Variants in ACOD1 observed in about 807,000 individuals in gnomAD.
ACOD1 encodes the protein cis-aconitate decarboxylase.
Under a neutral mutation model 14.2 loss-of-function variants are expected in ACOD1, and 14 were observed. That is an observed-to-expected ratio of 0.99 (90% CI 0.65 to 1.54). ACOD1 has a LOEUF of 1.54. Among genes scored for constraint, ACOD1 ranks in the 40% most tolerant of loss-of-function variants. The probability of loss-of-function intolerance (pLI) is 0.00; values close to 1 mark genes in which losing one functional copy is unlikely to be tolerated. For missense variants in ACOD1, 530 were observed against 586.3 expected (o/e 0.90, Z 0.99); for synonymous variants, 182 against 221.7 (o/e 0.82, Z 1.59).
At chr13:76,955,911 T>C (rs2033870878) in intron 4 of ACOD1, among the ~76,000 whole-genome samples, 3 of 152,172 alleles carry the variant, frequency 2.0e-5, no homozygotes, top group Admixed American at 2.0e-4. Flanking sequence ...TAAAAAATGG[T>C]CAAATGTCGG....
At position 76,953,706 on chromosome 13, in the gene ACOD1, G is replaced by C. The variant is rs780075741; in HGVS notation, c.264+17G>C. 27 of 1,439,592 alleles carry C rather than the reference G, an allele frequency of 1.9e-5. No individual in the cohort carries two copies. Among genetic ancestry groups the C allele is most frequent in the Non-Finnish European group, 2.6e-5 (27 of 1,047,454 alleles). The allele number at this position is 1,439,592 out of a possible 1,614,324, so 89.2% of individuals were successfully genotyped here. A position where few individuals can be genotyped will look rare whatever the true frequency, so the allele number is the denominator to read the frequency against. On this transcript the variant is annotated intron_variant, in intron 3 of 4. Transcript: ENST00000377462. ...GGTGTGGCTGTAAGGAGGTTTTCAC[G>C]TCTTTTCAACTATTAGATAATCATA...
intron 1 of ACOD1, among the ~76,000 whole-genome samples, chr13:76,951,643 C>T (rs777186683): frequency 1.5e-4 from 23 of 152,152 alleles, no homozygotes; most frequent in Non-Finnish European, 2.9e-4. Context: ...TTATTTTACT[C>T]TTATGACACA....
Position 76,957,124 on chromosome 13 carries a change from T to A in ACOD1, c.585T>A (p.Ala195=). 6.4e-7 allele frequency: 1 copy of A among 1,550,668 alleles called. No homozygotes were observed. The highest frequency in any genetic ancestry group is 1.2e-5 in the South Asian group (1 of 84,066). ...CTCTGGCCATTGCTGTTTCCCATGCTGGGGCACCCATGGCCAATGCTGCCA... is the reference window on the plus strand; with the variant it reads ...CTCTGGCCATTGCTGTTTCCCATGCAGGGGCACCCATGGCCAATGCTGCCA... ...REALAIAVSH[A]GAPMANAATQ... Residue 195 remains alanine (A), a synonymous_variant, in exon 5 of 5, where the codon GCT becomes GCA. Transcript: ENST00000377462.
At chr13:76,956,283 C>T (rs1379926009) in intron 4 of ACOD1, among the ~76,000 whole-genome samples, 1 of 152,182 alleles carries the variant, frequency 6.6e-6, no homozygotes, top group Non-Finnish European at 1.5e-5. Flanking sequence ...CTCATTGCAA[C>T]CTCCGCCTCC....
chr13:76,952,848 C>T (rs959878687), intron 2 of ACOD1, among the ~76,000 whole-genome samples, 198 bp downstream of exon 2: 2 of 152,258 alleles, frequency 1.3e-5, no homozygotes, highest in South Asian at 2.1e-4. Context: ...TAAAACCATA[C>T]ACAGTGAGGC....
intron 1 of ACOD1, 68 bp from the exon 2 acceptor site, chr13:76,952,421 G>A (rs2033830756): frequency 1.4e-6 from 2 of 1,397,516 alleles, no homozygotes; most frequent in Non-Finnish European, 1.9e-6. Flanking sequence ...GCCTCAAGGT[G>A]TCTTATAGAA....
chr13:76,949,128 G>T lies in ACOD1; in HGVS notation c.12+558G>T, dbSNP rs527740384. Among the ~76,000 whole-genome samples the T allele has an allele frequency of 5.3e-5, 8 of 152,182 alleles. No homozygotes were observed. In the South Asian group the frequency reaches 1.7e-3, roughly 32 times the overall value. ...TAAGAATACAAAAAATTAGCTGGGCGTGGTGGCAGGCGCCCGTAGTCCCAG... is the reference window on the plus strand; with the variant it reads ...TAAGAATACAAAAAATTAGCTGGGCTTGGTGGCAGGCGCCCGTAGTCCCAG... On this transcript the variant is annotated intron_variant, in intron 1 of 4. Coordinates refer to ENST00000377462, the MANE Select transcript of ACOD1 (RefSeq NM_001258406.2).
chr13:76,951,729 A>G (rs973320936), intron 1 of ACOD1, among the ~76,000 whole-genome samples: 1 of 152,178 alleles, frequency 6.6e-6, no homozygotes, highest in African/African-American at 2.4e-5. Flanking sequence ...AGAGCACCAG[A>G]GCACTTGAGA....
Position 76,957,382 on chromosome 13 carries a change from C to T in ACOD1, c.843C>T (p.His281=), listed in dbSNP as rs762252549. The change falls in exon 5 of 5, where the codon CAC becomes CAT. Residue 281 remains histidine, a synonymous_variant. Coordinates refer to ENST00000377462, the MANE Select transcript of ACOD1 (RefSeq NM_001258406.2). The part of the protein sequence containing the change: ...FKRFPAHLST[H]WVADAAASVR... ...GTTTTCCTGCACATTTATCTACCCA[C>T]TGGGTGGCAGACGCAGCTGCATCTG... 6.4e-6 allele frequency: 10 copies of T among 1,550,536 alleles called. No individual in the cohort carries two copies. The South Asian group carries it at 9.5e-5, about 15-fold the overall frequency.
chr13:76,958,203 T>G lies in ACOD1; in HGVS notation c.*218T>G, dbSNP rs1206140568. 1 of 467,376 alleles carries G rather than the reference T, an allele frequency of 2.1e-6. No homozygotes were observed. Among genetic ancestry groups the G allele is most frequent in the African/African-American group, 2.0e-5 (1 of 50,506 alleles). 29.0% of individuals were successfully genotyped at this position (467,376 alleles called of 1,614,324 possible). A position where few individuals can be genotyped will look rare whatever the true frequency, so the allele number is the denominator to read the frequency against. On this transcript the variant is annotated 3_prime_UTR_variant, in exon 5 of 5. Transcript: ENST00000377462. ...ATGAAACACACACACAAAAATGAGT[T>G]TGTAAGCATTCACAAGGGTGAAATT...
At position 76,957,966 on chromosome 13, in the gene ACOD1, C is replaced by A. The variant is rs1490745448; in HGVS notation, c.1427C>A (p.Ser476Tyr). Residue 476 changes from serine to tyrosine, a missense_variant, in exon 5 of 5, where the codon TCT becomes TAT. By Grantham distance (144) the Ser-to-Tyr change is moderately radical. Coordinates refer to ENST00000377462, the MANE Select transcript of ACOD1 (RefSeq NM_001258406.2). ...VASNSPACNN[S>Y]ITNLS ...TCAAACTCTCCAGCATGTAATAATT[C>A]TATCACAAATCTCTCCTGAGGCTTA... 2.0e-6 allele frequency: 3 copies of A among 1,531,552 alleles called. No individual in the cohort carries two copies. The highest frequency in any genetic ancestry group is 2.8e-5 in the African/African-American group (2 of 71,904). 94.9% of individuals were successfully genotyped at this position (1,531,552 alleles called of 1,614,324 possible). A position where few individuals can be genotyped will look rare whatever the true frequency, so the allele number is the denominator to read the frequency against.
chr13:76,951,132 C>G (rs1313705030), intron 1 of ACOD1, among the ~76,000 whole-genome samples: 1 of 152,064 alleles, frequency 6.6e-6, no homozygotes, highest in Non-Finnish European at 1.5e-5. Context: ...TTAAAATTTT[C>G]TAGTATTTTA....
In ACOD1 at chr13:76,958,056, C is replaced by A; in HGVS notation, c.*71C>A. On this transcript the variant is annotated 3_prime_UTR_variant, in exon 5 of 5. Transcript: ENST00000377462. ...ATTTGGTTTGTAAAGCAAGGGTCTGCTGCTTGGTTTTCCCAGGAAAAATGA... is the reference window on the plus strand; with the variant it reads ...ATTTGGTTTGTAAAGCAAGGGTCTGATGCTTGGTTTTCCCAGGAAAAATGA... 7.3e-7 allele frequency: 1 copy of A among 1,371,782 alleles called. No individual in the cohort carries two copies. Among genetic ancestry groups the A allele is most frequent in the Non-Finnish European group, 9.6e-7 (1 of 1,040,828 alleles). 85.0% of individuals were successfully genotyped at this position (1,371,782 alleles called of 1,614,324 possible). A position where few individuals can be genotyped will look rare whatever the true frequency, so the allele number is the denominator to read the frequency against.
intron 2 of ACOD1, 94 bp from the exon 3 acceptor site, chr13:76,953,506 T>C (rs2137746866): frequency 1.3e-6 from 1 of 746,800 alleles, no homozygotes; most frequent in East Asian, 2.7e-5. Flanking sequence ...GTAAGAACTA[T>C]GAATAATGCC....
At chr13:76,953,785 A>G in intron 3 of ACOD1, 96 bp downstream of exon 3, 1 of 775,574 alleles carries the variant, frequency 1.3e-6, no homozygotes, top group South Asian at 1.6e-5. Flanking sequence ...TATATTTTAC[A>G]GATGAAAGAA....
In ACOD1 at chr13:76,958,378, C is replaced by G. The variant is rs2033901836; in HGVS notation, c.*393C>G. ...CTGGTGCATTGTGTCACCAACAGAT[C>G]TCCTAGACCATGGCTTATTACCAAG... On this transcript the variant is annotated 3_prime_UTR_variant, in exon 5 of 5. Transcript: ENST00000377462. 1 of 175,452 alleles carries G rather than the reference C, an allele frequency of 5.7e-6. No individual in the cohort carries two copies. The highest frequency in any genetic ancestry group is 1.2e-5 in the Non-Finnish European group (1 of 82,800). The allele number at this position is 175,452 out of a possible 1,614,324, so 10.9% of individuals were successfully genotyped here.
chr13:76,955,580 C>A, intron 4 of ACOD1, 56 bp downstream of exon 4: 4 of 1,447,060 alleles, frequency 2.8e-6, no homozygotes, highest in South Asian at 1.2e-5. Context: ...ATCTATCAAT[C>A]ATTATCTCCG....
chr13:76,954,347 G>A (rs979551223), intron 3 of ACOD1, among the ~76,000 whole-genome samples: 2 of 152,212 alleles, frequency 1.3e-5, no homozygotes, highest in African/African-American at 4.8e-5. Flanking sequence ...AAATGCACCA[G>A]TGACAGCAAA....
intron 1 of ACOD1, among the ~76,000 whole-genome samples, chr13:76,949,192 G>A (rs916428979): frequency 6.6e-6 from 1 of 152,092 alleles, no homozygotes; most frequent in Non-Finnish European, 1.5e-5. Context: ...GCGTGAACCC[G>A]GGAGGTGGAG....
Sources: allele counts gnomAD v4.1 joint callset (sites outside exome capture counted in the v4.1 genomes callset), GRCh38; gene constraint gnomAD v4.1.1; transcripts MANE v1.5; gene names NCBI Gene and HGNC (gene_info 2026-07-23, HGNC 2026-07-21).